The following PTPN13 variants were observed in gnomAD, a reference collection of about 807,000 sequenced individuals.
PTPN13 encodes tyrosine-protein phosphatase non-receptor type 13.
PTPN13 carries 191 observed loss-of-function variants against 284.0 expected under a neutral mutation model. The observed-to-expected ratio is 0.67, with a 90% CI of 0.60 to 0.76. PTPN13 has a LOEUF of 0.76. Among genes scored for constraint, PTPN13 ranks in the 30% least tolerant of loss-of-function variants. The pLI is 0.00. For synonymous variants in PTPN13, 986 were observed against 1,022.3 expected (o/e 0.96, Z 0.68); for missense variants, 2,797 against 2,939.9 (o/e 0.95, Z 1.12).
At chr4:86,740,010 C>A (rs995671939) in intron 15 of PTPN13, among the ~76,000 whole-genome samples, 1 of 152,232 alleles carries the variant, frequency 6.6e-6, no homozygotes, top group Admixed American at 6.5e-5. Flanking sequence ...AGGTCTTGGG[C>A]AGCTCTGCCC....
chr4:86,814,280 C>G (rs989961820), intron 47 of PTPN13, among the ~76,000 whole-genome samples, 176 bp from the exon 48 acceptor site: 4 of 151,786 alleles, frequency 2.6e-5, no homozygotes, highest in Non-Finnish European at 2.9e-5. Context: ...GCTGGGATTA[C>G]AGGTGTGAGC....
chr4:86,630,364 T>C (rs895811972), intron 1 of PTPN13, among the ~76,000 whole-genome samples: 1 of 152,204 alleles, frequency 6.6e-6, no homozygotes, highest in Non-Finnish European at 1.5e-5. Flanking sequence ...AGTGGCATTT[T>C]GTATGTTTTA....
intron 41 of PTPN13, 124 bp from the exon 42 acceptor site, chr4:86,798,977 C>T (rs910868218): frequency 6.7e-6 from 4 of 598,234 alleles, no homozygotes; most frequent in Non-Finnish European, 1.1e-5. Context: ...AGAATTGTGG[C>T]TTTGGTTTTC....
chr4:86,784,106 A>C (rs950820347), intron 37 of PTPN13, among the ~76,000 whole-genome samples: 1 of 152,138 alleles, frequency 6.6e-6, no homozygotes, highest in African/African-American at 2.4e-5. Flanking sequence ...GACAAGTCTT[A>C]TAAAATTGCT....
chr4:86,807,426 T>C (rs2149384208), intron 44 of PTPN13, 134 bp from the exon 45 acceptor site: 1 of 659,230 alleles, frequency 1.5e-6, no homozygotes, highest in East Asian at 2.7e-5. Context: ...GAAAATATAC[T>C]TCTATTAAAA....
intron 4 of PTPN13, among the ~76,000 whole-genome samples, chr4:86,688,735 G>A (rs1417434437): frequency 6.6e-6 from 1 of 152,072 alleles, no homozygotes; most frequent in African/African-American, 2.4e-5. Flanking sequence ...AATAAGCCAA[G>A]AATTTCACTA....
At chr4:86,753,122 A>C in intron 20 of PTPN13, 57 bp downstream of exon 20, 1 of 1,359,560 alleles carries the variant, frequency 7.4e-7, no homozygotes, top group Non-Finnish European at 1.0e-6. Context: ...CCTTACTGAG[A>C]TAGTCTTGGA....
chr4:86,814,466 T>G lies in PTPN13; in HGVS notation c.7373T>G (p.Ile2458Ser). 5 of 1,610,662 alleles carry G rather than the reference T, an allele frequency of 3.1e-6. No homozygotes were observed. Among genetic ancestry groups the G allele is most frequent in the Non-Finnish European group, 4.2e-6 (5 of 1,177,368 alleles). Residue 2458 changes from isoleucine to serine, a missense_variant, in exon 48 of 48, where the codon ATT (isoleucine) becomes AGT (serine). Transcript: ENST00000411767. ...HGMVQTEDQYIFCYQVILYVL... is the reference protein window; with the variant it reads ...HGMVQTEDQYSFCYQVILYVL... ...TTTTTTTGGCCATAGGATCAATATA[T>G]TTTCTGCTATCAAGTCATCCTTTAT...
chr4:86,750,926 A>G, intron 18 of PTPN13, 39 bp downstream of exon 18: 1 of 1,586,950 alleles, frequency 6.3e-7, no homozygotes, highest in Non-Finnish European at 8.6e-7. Context: ...ATATTTGTAA[A>G]TTCTACATTT....
In PTPN13 at chr4:86,774,381, A is replaced by C; in HGVS notation, c.5358A>C (p.Glu1786Asp). 1 of 1,605,010 alleles carries C rather than the reference A, an allele frequency of 6.2e-7. No individual in the cohort carries two copies. The highest frequency in any genetic ancestry group is 8.5e-7 in the Non-Finnish European group (1 of 1,175,612). Reference protein sequence around the residue: ...NHLEDFELEVELLITLIKSEK... With the variant: ...NHLEDFELEVDLLITLIKSEK... ...CTGCTTTTTTCCCTTAGGAAGTAGA[A>C]CTCCTCATTACCCTAATTAAATCAG... Residue 1786 changes from glutamate (E) to aspartate (D), a missense_variant, in exon 33 of 48, where the codon GAA becomes GAC. Glu to Asp is a conservative substitution (Grantham distance 45). Transcript: ENST00000411767.
intron 15 of PTPN13, among the ~76,000 whole-genome samples, chr4:86,738,932 T>G (rs1735839536): frequency 6.6e-6 from 1 of 152,216 alleles, no homozygotes; most frequent in African/African-American, 2.4e-5. Context: ...CTGCCTGCCT[T>G]GGCCTCCCAA....
intron 1 of PTPN13, among the ~76,000 whole-genome samples, chr4:86,599,772 T>C (rs1764134598): frequency 6.6e-6 from 1 of 152,184 alleles, no homozygotes; most frequent in South Asian, 2.1e-4. Flanking sequence ...ATACATTTCC[T>C]CTTTCCTCAG....
In PTPN13 at chr4:86,750,483, TAGG is replaced by T. The variant is rs1243708302; in HGVS notation, c.2667_2669del (p.Arg889del). On this transcript the variant is annotated inframe_deletion, in exon 18 of 48. Transcript: ENST00000411767. ...ATTTCCTTGTAGAGAGAGCTTCGTT[TAGG>T]AGCCTGAATCTCCAAGCAGAGTCTG... 2 of 1,612,764 alleles carry T rather than the reference TAGG, an allele frequency of 1.2e-6. No individual in the cohort carries two copies. The highest frequency in any genetic ancestry group is 3.3e-5 in the Admixed American group (2 of 59,890).
At chr4:86,780,268 C>G in intron 35 of PTPN13, 134 bp from the exon 36 acceptor site, 1 of 692,962 alleles carries the variant, frequency 1.4e-6, no homozygotes, top group Non-Finnish European at 2.6e-6. Context: ...GGCATGGTGG[C>G]ACATGCCTGT....
In PTPN13 at chr4:86,599,988, G is replaced by T. The variant is rs1764153927; in HGVS notation, c.-6+5199G>T. On this transcript the variant is annotated intron_variant, in intron 1 of 47. Coordinates refer to ENST00000411767, the MANE Select transcript of PTPN13 (RefSeq NM_080683.3). ...CATTTCAACACAAATGTTAGGATTT[G>T]ATTAAAAGTTTTCCTTTTTGCTAAA... Among the ~76,000 whole-genome samples the T allele has an allele frequency of 2.0e-5, 3 of 152,114 alleles. No homozygotes were observed. The South Asian group carries it at 6.2e-4, about 32-fold the overall frequency.
intron 40 of PTPN13, among the ~76,000 whole-genome samples, chr4:86,790,896 C>T (rs1742553688): frequency 6.6e-6 from 1 of 152,120 alleles, no homozygotes; most frequent in South Asian, 2.1e-4. Context: ...CGAATAGGAA[C>T]AGCTCCAGTC....
chr4:86,615,817 T>G (rs1720482062), intron 1 of PTPN13, among the ~76,000 whole-genome samples: 1 of 152,168 alleles, frequency 6.6e-6, no homozygotes, highest in African/African-American at 2.4e-5. Context: ...AGATGGCAAA[T>G]GTTTTAACAT....
chr4:86,606,939 A>G (rs933910629), intron 1 of PTPN13, among the ~76,000 whole-genome samples: 1 of 151,908 alleles, frequency 6.6e-6, no homozygotes, highest in African/African-American at 2.4e-5. Context: ...GTATTGCCAC[A>G]TAGTTCTAAG....
chr4:86,630,523 G>A (rs528971087), intron 1 of PTPN13, among the ~76,000 whole-genome samples: 2 of 152,248 alleles, frequency 1.3e-5, no homozygotes, highest in South Asian at 4.2e-4. Context: ...TATGGGCTGT[G>A]TCTCAAACTT....
Sources: allele counts gnomAD v4.1 joint callset (sites outside exome capture counted in the v4.1 genomes callset), GRCh38; gene constraint gnomAD v4.1.1; transcripts MANE v1.5; gene names NCBI Gene and HGNC (gene_info 2026-07-23, HGNC 2026-07-21).